ADGRL2: variants seen among roughly 807,000 people sequenced by gnomAD.
ADGRL2 encodes calcium-independent alpha-latrotoxin receptor 2.
In ADGRL2, 44 loss-of-function variants were observed where a neutral mutation model predicts 157.4. The observed-to-expected ratio is 0.28, with a 90% CI of 0.22 to 0.36. The LOEUF is 0.36. Among genes scored for constraint, ADGRL2 ranks in the 10% least tolerant of loss-of-function variants. The pLI is 1.00. For missense variants in ADGRL2, 1,510 were observed against 1,768.9 expected (o/e 0.85, Z 2.63); for synonymous variants, 585 against 624.7 (o/e 0.94, Z 0.95).
At chr1:81,746,294 T>G (rs985225770) in intron 1 of ADGRL2, among the ~76,000 whole-genome samples, 6 of 152,120 alleles carry the variant, frequency 3.9e-5, no homozygotes, top group Non-Finnish European at 8.8e-5. Flanking sequence ...ATGTATATTT[T>G]TAAAAATTTT....
At chr1:81,413,745 A>G (rs2076988115) in intron 1 of ADGRL2, among the ~76,000 whole-genome samples, 1 of 152,204 alleles carries the variant, frequency 6.6e-6, no homozygotes, top group African/African-American at 2.4e-5. Flanking sequence ...ACACTATCAG[A>G]CAGCTTCTCA....
At chr1:81,606,416 T>C (rs2081432140) in intron 3 of ADGRL2, among the ~76,000 whole-genome samples, 1 of 152,006 alleles carries the variant, frequency 6.6e-6, no homozygotes. Flanking sequence ...TACAGACACC[T>C]GAAACAACTT....
chr1:81,898,242 A>T (rs2151567595), intron 2 of ADGRL2, among the ~76,000 whole-genome samples: 1 of 152,332 alleles, frequency 6.6e-6, no homozygotes, highest in Non-Finnish European at 1.5e-5. Context: ...CTTTTGCAAC[A>T]GTTTCATATT....
chr1:81,635,465 G>T (rs2082097614), intron 3 of ADGRL2, among the ~76,000 whole-genome samples: 1 of 152,132 alleles, frequency 6.6e-6, no homozygotes, highest in Admixed American at 6.5e-5. Context: ...AGAACAAAAT[G>T]CCAGAAACTA....
At chr1:81,802,732 G>T (rs2088447803) in intron 1 of ADGRL2, among the ~76,000 whole-genome samples, 1 of 152,160 alleles carries the variant, frequency 6.6e-6, no homozygotes, top group Non-Finnish European at 1.5e-5. Flanking sequence ...CTCCGGTCCC[G>T]CACTGTAAGT....
intron 2 of ADGRL2, among the ~76,000 whole-genome samples, chr1:81,862,327 A>G (rs767949439): frequency 2.0e-5 from 3 of 152,168 alleles, no homozygotes; most frequent in Non-Finnish European, 2.9e-5. Context: ...AAAAAGCACA[A>G]CTGATTCATA....
intron 17 of ADGRL2, among the ~76,000 whole-genome samples, chr1:81,973,765 G>A (rs1659426644): frequency 6.6e-6 from 1 of 152,170 alleles, no homozygotes; most frequent in African/African-American, 2.4e-5. Flanking sequence ...ACAAACCCCA[G>A]TAGGTAGCAA....
chr1:81,836,747 T>C (rs565350510), intron 1 of ADGRL2, 138 bp from the exon 2 acceptor site: 15 of 389,172 alleles, frequency 3.9e-5, no homozygotes, highest in Non-Finnish European at 6.8e-5. Context: ...ATATCCAGTG[T>C]ATAGGAGCAG....
chr1:81,612,734 T>G (rs909226715), intron 3 of ADGRL2, among the ~76,000 whole-genome samples: 2 of 152,046 alleles, frequency 1.3e-5, no homozygotes, highest in Non-Finnish European at 2.9e-5. Flanking sequence ...AACAAACCCC[T>G]GATAGCTCAA....
chr1:81,675,804 TCTC>T (rs1302420952), intron 3 of ADGRL2, among the ~76,000 whole-genome samples: 1 of 152,064 alleles, frequency 6.6e-6, no homozygotes, highest in Non-Finnish European at 1.5e-5. Context: ...ATAGTCTTGA[TCTC>T]CTGACCTCAT....
At chr1:81,616,188 A>G (rs1005347328) in intron 3 of ADGRL2, among the ~76,000 whole-genome samples, 3 of 152,164 alleles carry the variant, frequency 2.0e-5, no homozygotes, top group Non-Finnish European at 4.4e-5. Context: ...TGTGCAAAAA[A>G]GCCATACCGT....
chr1:81,647,852 C>G (rs1489960329), intron 3 of ADGRL2, among the ~76,000 whole-genome samples: 1 of 152,120 alleles, frequency 6.6e-6, no homozygotes, highest in Non-Finnish European at 1.5e-5. Context: ...TGGGAAGATG[C>G]GATAACAGCA....
chr1:81,822,502 T>A (rs1394989346), intron 1 of ADGRL2, among the ~76,000 whole-genome samples: 2 of 151,828 alleles, frequency 1.3e-5, no homozygotes, highest in Non-Finnish European at 2.9e-5. Context: ...TTTTTATTTT[T>A]AAAATTTTAT....
intron 2 of ADGRL2, among the ~76,000 whole-genome samples, chr1:81,903,295 A>C (rs1420610911): frequency 3.3e-5 from 5 of 152,166 alleles, no homozygotes; most frequent in Admixed American, 3.3e-4. Flanking sequence ...CTATTCATGT[A>C]GTTTTGTGAA....
intron 5 of ADGRL2, 70 bp from the exon 6 acceptor site, chr1:81,942,899 T>C (rs2148952313): frequency 4.5e-6 from 5 of 1,103,060 alleles, no homozygotes; most frequent in Admixed American, 3.9e-5. Flanking sequence ...TGATTTGTGA[T>C]CACTGAAACT....
chr1:81,555,457 T>C (rs2080251924), intron 2 of ADGRL2, among the ~76,000 whole-genome samples: 1 of 151,954 alleles, frequency 6.6e-6, no homozygotes, highest in Admixed American at 6.6e-5. Flanking sequence ...TTAGTAGAGA[T>C]GGTGTTTCAC....
intron 1 of ADGRL2, among the ~76,000 whole-genome samples, chr1:81,377,543 G>A (rs1057407472): frequency 6.6e-6 from 1 of 152,042 alleles, no homozygotes; most frequent in Non-Finnish European, 1.5e-5. Context: ...TATCCCAGCA[G>A]CAACGTAGAG....
At chr1:81,641,914 A>G (rs1027003199) in intron 3 of ADGRL2, among the ~76,000 whole-genome samples, 45 of 152,066 alleles carry the variant, frequency 3.0e-4, no homozygotes, top group Non-Finnish European at 4.7e-4. Flanking sequence ...AAAAATACCA[A>G]TGAAATTGAT....
chr1:81,464,038 T>A (rs1167171211), intron 2 of ADGRL2, among the ~76,000 whole-genome samples: 1 of 151,934 alleles, frequency 6.6e-6, no homozygotes, highest in Non-Finnish European at 1.5e-5. Flanking sequence ...CCAAAGGAAA[T>A]GAATTGCATA....
Sources: gnomAD v4.1 joint callset for allele counts (sites outside exome capture counted in the v4.1 genomes callset) on GRCh38, gnomAD v4.1.1 for gene constraint, MANE v1.5 for transcripts, NCBI Gene and HGNC (gene_info 2026-07-23, HGNC 2026-07-21) for gene names.